Variants in NRG2 observed in about 807,000 individuals in gnomAD.
NRG2 encodes the protein pro-neuregulin-2, membrane-bound isoform.
In NRG2, 27 loss-of-function variants were observed where a neutral mutation model predicts 73.9. The observed-to-expected ratio is 0.37, with a 90% CI of 0.27 to 0.50. The LOEUF (loss-of-function observed/expected upper bound fraction) is 0.50, where lower values mean the gene tolerates loss of function less well. Ranked by LOEUF, NRG2 falls within the 20% of genes least tolerant of loss-of-function variation. The pLI is 0.96. For missense variants in NRG2, 1,126 were observed against 1,210.1 expected, an observed-to-expected ratio of 0.93 and a Z score of 1.03; for synonymous variants, 532 against 541.0, an observed-to-expected ratio of 0.98 and a Z score of 0.23.
At chr5:139,886,490 C>T (rs377378980) in intron 2 of NRG2, among the ~76,000 whole-genome samples, 19 of 152,194 alleles carry the variant, frequency 1.2e-4, no homozygotes, top group African/African-American at 4.6e-4. Flanking sequence ...TTGTAAGCTA[C>T]TCTGGGAGGG....
At chr5:139,922,586 A>G (rs969638374) in intron 1 of NRG2, among the ~76,000 whole-genome samples, 2 of 152,232 alleles carry the variant, frequency 1.3e-5, no homozygotes, top group Admixed American at 6.5e-5. Flanking sequence ...TGATCCAGCA[A>G]TTGTACTCCT....
At chr5:139,978,152 C>G (rs1390129439) in intron 1 of NRG2, among the ~76,000 whole-genome samples, 1 of 152,176 alleles carries the variant, frequency 6.6e-6, no homozygotes, top group African/African-American at 2.4e-5. Flanking sequence ...TCAGAGGGAA[C>G]AGGCAACCTA....
At chr5:139,888,859 C>T (rs1267172253) in intron 1 of NRG2, among the ~76,000 whole-genome samples, 2 of 152,178 alleles carry the variant, frequency 1.3e-5, no homozygotes, top group Admixed American at 1.3e-4. Flanking sequence ...TCTCCATACT[C>T]ATAAATAACA....
chr5:140,014,494 C>T (rs2126651706), intron 1 of NRG2, among the ~76,000 whole-genome samples: 1 of 152,322 alleles, frequency 6.6e-6, no homozygotes, highest in African/African-American at 2.4e-5. Context: ...GTCTCAGCCT[C>T]CCAAAGTGCC....
chr5:139,848,715 G>A lies in NRG2; in HGVS notation c.1773-18C>T, dbSNP rs1239071287. On this transcript the variant is annotated intron_variant, in intron 9 of 9. Transcript: ENST00000361474. ...ACACGTACCTGCGGGGAGAGGCAGA[G>A]GCATGGGCCAGGGCCAGGCCGGGCC... is the stretch of plus-strand genomic sequence containing the variant. 1.3e-6 allele frequency: 2 copies of A among 1,493,446 alleles called. No homozygotes were observed. The highest frequency in any genetic ancestry group is 1.8e-6 in the Non-Finnish European group (2 of 1,129,016). 92.5% of individuals were successfully genotyped at this position (1,493,446 alleles called of 1,614,324 possible).
chr5:140,022,796 TTTG>T (rs1335667803), intron 1 of NRG2, among the ~76,000 whole-genome samples: 3 of 152,260 alleles, frequency 2.0e-5, no homozygotes, highest in Non-Finnish European at 4.4e-5. Flanking sequence ...CACATAAGTA[TTTG>T]TTAAGTAAAT....
chr5:139,912,535 C>G (rs1243658364), intron 1 of NRG2, among the ~76,000 whole-genome samples: 5 of 152,078 alleles, frequency 3.3e-5, no homozygotes, highest in African/African-American at 1.2e-4. Flanking sequence ...CCCTAGAGAC[C>G]CAGCTCTGGC....
At chr5:139,958,359 A>G (rs911853150) in intron 1 of NRG2, among the ~76,000 whole-genome samples, 34 of 152,308 alleles carry the variant, frequency 2.2e-4, no homozygotes, top group African/African-American at 8.2e-4. Flanking sequence ...TTCAAGCATC[A>G]ATACTTTTTG....
chr5:140,038,821 A>G (rs1761699310), intron 1 of NRG2, among the ~76,000 whole-genome samples: 1 of 152,238 alleles, frequency 6.6e-6, no homozygotes. Context: ...CGTTAAATCT[A>G]CAACCATGCC....
chr5:139,917,919 G>A (rs978584469), intron 1 of NRG2, among the ~76,000 whole-genome samples: 1 of 151,998 alleles, frequency 6.6e-6, no homozygotes, highest in African/African-American at 2.4e-5. Context: ...TAACTATTTT[G>A]CTGTTGTTGC....
chr5:139,871,840 C>T lies in NRG2; in HGVS notation c.993G>A (p.Val331=). 1 of 1,613,874 alleles carries T rather than the reference C, an allele frequency of 6.2e-7. No individual in the cohort carries two copies. The highest frequency in any genetic ancestry group is 8.5e-7 in the Non-Finnish European group (1 of 1,179,886). The change falls in exon 4 of 10, where the codon GTG becomes GTA. Residue 331 remains valine, a splice_region_variant and synonymous_variant. Coordinates refer to ENST00000361474, the MANE Select transcript of NRG2 (RefSeq NM_004883.3). ...TVRGRLYVNS[V]STTLSSWSGH... Reference sequence around the variant, plus strand: ...CCGACCAGGATGACAGGGTGGTGCTCACTGAGGGTATGAGAGACATGTGCC... The same window carrying T: ...CCGACCAGGATGACAGGGTGGTGCTTACTGAGGGTATGAGAGACATGTGCC...
chr5:139,901,145 C>T (rs750260893), intron 1 of NRG2, among the ~76,000 whole-genome samples: 4 of 152,230 alleles, frequency 2.6e-5, no homozygotes, highest in Admixed American at 6.5e-5. Context: ...CCAGCTGTAC[C>T]GCTGTGCCAA....
intron 1 of NRG2, among the ~76,000 whole-genome samples, chr5:139,900,052 T>G (rs1764777333): frequency 6.6e-6 from 1 of 152,206 alleles, no homozygotes; most frequent in Non-Finnish European, 1.5e-5. Context: ...TGCAAGTTGG[T>G]CATGGACATG....
chr5:139,855,587 G>T, intron 6 of NRG2, 89 bp downstream of exon 6: 1 of 1,115,866 alleles, frequency 9.0e-7, no homozygotes, highest in Non-Finnish European at 1.4e-6. Context: ...GGCTCCAGTG[G>T]GGTGGGGGAG....
intron 1 of NRG2, among the ~76,000 whole-genome samples, chr5:139,913,756 AG>A (rs1162212694): frequency 1.3e-5 from 2 of 152,240 alleles, no homozygotes; most frequent in African/African-American, 4.8e-5. Flanking sequence ...ACACTTACAC[AG>A]ATGGATAAAA....
At chr5:140,032,882 A>ATTACTTTC (rs1366107037) in intron 1 of NRG2, among the ~76,000 whole-genome samples, 1 of 152,210 alleles carries the variant, frequency 6.6e-6, no homozygotes, top group East Asian at 1.9e-4. Context: ...CCCCAAATAT[A>ATTACTTTC]TTACTTTCTG....
chr5:140,027,763 C>A (rs929454673), intron 1 of NRG2, among the ~76,000 whole-genome samples: 9 of 152,116 alleles, frequency 5.9e-5, no homozygotes, highest in African/African-American at 2.2e-4. Context: ...GGAACATATC[C>A]CGCATGGATT....
rs1761578030 is a variant in NRG2 at position 139,853,172 on chromosome 5, C to T, written c.1293-145G>A. The T allele has an allele frequency of 1.4e-5, 15 of 1,069,442 alleles. No homozygotes were observed. Among genetic ancestry groups the T allele is most frequent in the Non-Finnish European group, 1.6e-5 (12 of 735,994 alleles). The allele number at this position is 1,069,442 out of a possible 1,614,324, so 66.2% of individuals were successfully genotyped here. A position where few individuals can be genotyped will look rare whatever the true frequency, so the allele number is the denominator to read the frequency against. ...TCGTCCCTGTACTCAAGCTGCCCTA[C>T]AGCATCACTACCACCTGAATCCAAT... is the stretch of plus-strand genomic sequence containing the variant. On this transcript the variant is annotated intron_variant, in intron 6 of 9. Coordinates refer to ENST00000361474, the MANE Select transcript of NRG2 (RefSeq NM_004883.3). The surrounding 1 kb of genome is among the most constrained non-coding windows in gnomAD (Gnocchi z 4.1).
chr5:139,858,123 C>T (rs913419327), intron 5 of NRG2, among the ~76,000 whole-genome samples: 1 of 152,200 alleles, frequency 6.6e-6, no homozygotes, highest in Non-Finnish European at 1.5e-5. Flanking sequence ...TCAAATGCAA[C>T]CCAAAGCCTT....
Sources: gnomAD v4.1 joint callset for allele counts (sites outside exome capture counted in the v4.1 genomes callset) on GRCh38, gnomAD v4.1.1 for gene constraint, Gnocchi (gnomAD v3.1) non-coding constraint, MANE v1.5 for transcripts, NCBI Gene and HGNC (gene_info 2026-07-23, HGNC 2026-07-21) for gene names.